Variants in NARS2 observed in about 807,000 individuals in gnomAD.
NARS2 encodes asparaginyl-tRNA synthetase.
Under a neutral mutation model 62.9 loss-of-function variants are expected in NARS2, and 60 were observed. That is an observed-to-expected ratio of 0.95 (90% CI 0.77 to 1.18). The LOEUF is 1.18. Ranked by LOEUF, NARS2 falls within the 50% of genes most tolerant of loss-of-function variation. The pLI, the probability that NARS2 is intolerant of heterozygous loss-of-function variation, is 0.00. For synonymous variants in NARS2, 196 were observed against 200.0 expected (o/e 0.98, Z 0.17); for missense variants, 619 against 576.4 (o/e 1.07, Z -0.76).
Position 78,469,313 on chromosome 11 carries a change from G to A in NARS2, c.960C>T (p.Ile320=). 2 of 1,612,072 alleles carry A rather than the reference G, an allele frequency of 1.2e-6. No individual in the cohort carries two copies. The highest frequency in any genetic ancestry group is 1.1e-5 in the South Asian group (1 of 91,034). ...LEHMLKNNFL[I]ISYTEAVEIL... ...TCTCCACTGCTTCAGTATAAGAAAT[G>A]CTGGAGGAAAACAGGATACAAGCAG... The change falls in exon 10 of 14, where the codon ATC becomes ATT. Residue 320 remains isoleucine (I), a splice_region_variant and synonymous_variant. Transcript: ENST00000281038.
chr11:78,444,149 A>C (rs889911599), intron 11 of NARS2: 1 of 155,434 alleles, frequency 6.4e-6, no homozygotes, highest in African/African-American at 2.4e-5. Flanking sequence ...AATATTACAA[A>C]CTAATATTTT....
chr11:78,436,863 G>A, intron 13 of NARS2, 49 bp from the exon 14 acceptor site: 1 of 1,536,534 alleles, frequency 6.5e-7, no homozygotes, highest in Non-Finnish European at 8.9e-7. Context: ...TATAAGACCA[G>A]ATGTTATGAT....
chr11:78,471,404 ACTAG>A (rs1858867375), intron 9 of NARS2, among the ~76,000 whole-genome samples: 1 of 152,302 alleles, frequency 6.6e-6, no homozygotes, highest in East Asian at 1.9e-4. Context: ...TGATTCTACT[ACTAG>A]CTATGTAAGT....
chr11:78,521,799 A>AG (rs962159201), intron 6 of NARS2, among the ~76,000 whole-genome samples: 4 of 151,422 alleles, frequency 2.6e-5, no homozygotes, highest in African/African-American at 7.3e-5. Flanking sequence ...CAAAAAAAAA[A>AG]AAAAAAAAAA....
chr11:78,525,006 T>C (rs1397074376), intron 6 of NARS2, among the ~76,000 whole-genome samples: 2 of 152,096 alleles, frequency 1.3e-5, no homozygotes, highest in African/African-American at 4.8e-5. Context: ...TGGAGGAACT[T>C]TAAATTCATA....
chr11:78,503,161 G>C (rs1186339637), intron 6 of NARS2, among the ~76,000 whole-genome samples: 1 of 152,032 alleles, frequency 6.6e-6, no homozygotes, highest in Non-Finnish European at 1.5e-5. Flanking sequence ...CACAATCAAA[G>C]CTGCTTTAAC....
At chr11:78,482,129 GA>G (rs1859380754) in intron 7 of NARS2, among the ~76,000 whole-genome samples, 2 of 152,056 alleles carry the variant, frequency 1.3e-5, no homozygotes, top group Admixed American at 6.6e-5. Context: ...AGAGTCAAAA[GA>G]AATATTAATA....
chr11:78,450,650 C>A (rs905041878), intron 11 of NARS2, among the ~76,000 whole-genome samples: 5 of 151,272 alleles, frequency 3.3e-5, no homozygotes, highest in African/African-American at 1.2e-4. Flanking sequence ...TGAAGAAAAG[C>A]CCACAAAAGC....
At chr11:78,547,360 G>A (rs1309501495) in intron 5 of NARS2, among the ~76,000 whole-genome samples, 2 of 151,780 alleles carry the variant, frequency 1.3e-5, no homozygotes, top group East Asian at 1.9e-4. Flanking sequence ...CTCAACACAG[G>A]ACCCAATACT....
chr11:78,465,791 T>C, intron 11 of NARS2, 85 bp downstream of exon 11: 2 of 1,408,744 alleles, frequency 1.4e-6, no homozygotes, highest in Non-Finnish European at 2.0e-6. Context: ...GAGTGATAGA[T>C]GACATTTAAG....
At chr11:78,522,776 G>C (rs889712806) in intron 6 of NARS2, among the ~76,000 whole-genome samples, 1 of 152,120 alleles carries the variant, frequency 6.6e-6, no homozygotes, top group Non-Finnish European at 1.5e-5. Flanking sequence ...TTTTTATAAT[G>C]TAAGTATAAG....
chr11:78,554,531 CA>C (rs1856268770), intron 5 of NARS2, among the ~76,000 whole-genome samples: 1 of 26,156 alleles, frequency 3.8e-5, no homozygotes, highest in African/African-American at 1.1e-4. Context: ...GTGTGTGTGT[CA>C]ACTGTGAATG....
At chr11:78,511,831 G>A (rs1860734719) in intron 6 of NARS2, among the ~76,000 whole-genome samples, 1 of 151,906 alleles carries the variant, frequency 6.6e-6, no homozygotes, top group Non-Finnish European at 1.5e-5. Flanking sequence ...AGTTGATTAA[G>A]AAACAACATT....
At chr11:78,558,958 C>G (rs1185378332) in intron 5 of NARS2, among the ~76,000 whole-genome samples, 2 of 152,120 alleles carry the variant, frequency 1.3e-5, no homozygotes, top group Non-Finnish European at 2.9e-5. Flanking sequence ...TCAAATCTCT[C>G]TAGTTCAGCA....
intron 5 of NARS2, among the ~76,000 whole-genome samples, chr11:78,536,211 T>A (rs1315918848): frequency 2.0e-5 from 3 of 152,200 alleles, no homozygotes; most frequent in Non-Finnish European, 4.4e-5. Context: ...GCACTTCCAG[T>A]CATATAATGA....
At chr11:78,457,772 A>C (rs1858219812) in intron 11 of NARS2, among the ~76,000 whole-genome samples, 1 of 150,942 alleles carries the variant, frequency 6.6e-6, no homozygotes, top group Admixed American at 6.6e-5. Flanking sequence ...ACTACCTTTT[A>C]AGGAATCTTA....
chr11:78,551,840 A>G (rs975021658), intron 5 of NARS2, among the ~76,000 whole-genome samples: 1 of 152,004 alleles, frequency 6.6e-6, no homozygotes, highest in Non-Finnish European at 1.5e-5. Flanking sequence ...AACAAGAGCG[A>G]GACTTTGTCT....
chr11:78,560,686 C>T (rs1347745522), intron 4 of NARS2, among the ~76,000 whole-genome samples: 3 of 152,156 alleles, frequency 2.0e-5, no homozygotes, highest in Admixed American at 2.0e-4. Flanking sequence ...AGTATTCAGT[C>T]AACAACTTGC....
At chr11:78,530,983 C>A (rs958187583) in intron 5 of NARS2, among the ~76,000 whole-genome samples, 1 of 151,982 alleles carries the variant, frequency 6.6e-6, no homozygotes, top group Non-Finnish European at 1.5e-5. Flanking sequence ...TTTTAAACTT[C>A]CCTTTGTATT....
Sources: gnomAD v4.1 joint callset for allele counts (sites outside exome capture counted in the v4.1 genomes callset) on GRCh38, gnomAD v4.1.1 for gene constraint, MANE v1.5 for transcripts, NCBI Gene and HGNC (gene_info 2026-07-23, HGNC 2026-07-21) for gene names.